The following GABARAPL2 variants were observed in gnomAD, a reference collection of about 807,000 sequenced individuals.
The protein encoded by GABARAPL2 is GABA type A receptor associated protein like 2.
In GABARAPL2, 11 loss-of-function variants were observed where a neutral mutation model predicts 16.9. The observed-to-expected ratio is 0.65, with a 90% CI of 0.41 to 1.08. GABARAPL2 has a LOEUF of 1.08. Among genes scored for constraint, GABARAPL2 ranks in the 50% least tolerant of loss-of-function variants. The pLI is 0.00. For synonymous variants in GABARAPL2, 57 were observed against 50.7 expected, an observed-to-expected ratio of 1.12 and a Z score of -0.53; for missense variants, 134 against 142.5, an observed-to-expected ratio of 0.94 and a Z score of 0.30.
rs1239251334 is a variant in GABARAPL2 at position 75,566,917 on chromosome 16, C to T, written c.90+10C>T. ...TCCCGACAGGGTTCCGGTGAGTGGA[C>T]TCTCCGCCCCCTCACCTCGCTGTCA... On this transcript the variant is annotated intron_variant, in intron 2 of 3. Coordinates refer to ENST00000037243, the MANE Select transcript of GABARAPL2 (RefSeq NM_007285.7). The T allele has an allele frequency of 1.2e-6, 2 of 1,608,562 alleles. No homozygotes were observed. The highest frequency in any genetic ancestry group is 2.2e-5 in the East Asian group (1 of 44,844).
rs1275602233 is a variant in GABARAPL2 at position 75,568,198 on chromosome 16, C to G, written c.252C>G (p.Val84=). The change falls in exon 3 of 4, where the codon GTC becomes GTG. Residue 84 remains valine (V), a synonymous_variant. Transcript: ENST00000037243. ...KAIFLFVDKT[V]PQSSLTMGQL... ...TCTTCCTGTTTGTGGATAAGACAGTCCCACAGTCCAGGTGAGAGGTGTTTA... is the reference window on the plus strand; with the variant it reads ...TCTTCCTGTTTGTGGATAAGACAGTGCCACAGTCCAGGTGAGAGGTGTTTA... 6.2e-7 allele frequency: 1 copy of G among 1,607,640 alleles called. No homozygotes were observed. The highest frequency in any genetic ancestry group is 8.5e-7 in the Non-Finnish European group (1 of 1,174,632).
chr16:75,574,224 G>A (rs868866787), intron 3 of GABARAPL2, among the ~76,000 whole-genome samples: 2 of 152,146 alleles, frequency 1.3e-5, no homozygotes, highest in Middle Eastern at 3.2e-3. Context: ...GTGGGCTGCT[G>A]GTGTTTACGA....
rs1277516336 is a variant in GABARAPL2 at position 75,568,157 on chromosome 16, CCTT to C, written c.214_216del (p.Ser72del). The C allele has an allele frequency of 6.2e-7, 1 of 1,613,144 alleles. No homozygotes were observed. The highest frequency in any genetic ancestry group is 1.3e-5 in the African/African-American group (1 of 74,920). On this transcript the variant is annotated inframe_deletion, in exon 3 of 4. Coordinates refer to ENST00000037243, the MANE Select transcript of GABARAPL2 (RefSeq NM_007285.7). ...GATCATCAGGAAAAGGATCCAGCTT[CCTT>C]CTGAAAAGGCGATCTTCCTGTTTGT...
chr16:75,572,760 C>G (rs1354444042), intron 3 of GABARAPL2: 1 of 152,366 alleles, frequency 6.6e-6, no homozygotes, highest in South Asian at 2.1e-4. Context: ...TGGCTTGAAT[C>G]TACCACTGGC....
In GABARAPL2 at chr16:75,577,842, A is replaced by C. The variant is rs2080959082; in HGVS notation, c.*473A>C. ...ATTTGTTCCTCTTTCTGAAACTATT[A>C]AGGTAAATAATTAACAATAAAAATT... is the stretch of plus-strand genomic sequence containing the variant. On this transcript the variant is annotated 3_prime_UTR_variant, in exon 4 of 4. Coordinates refer to ENST00000037243, the MANE Select transcript of GABARAPL2 (RefSeq NM_007285.7). 6.4e-6 allele frequency: 1 copy of C among 155,716 alleles called. No individual in the cohort carries two copies. Among genetic ancestry groups the C allele is most frequent in the Non-Finnish European group, 1.4e-5 (1 of 69,982 alleles). The allele number at this position is 155,716 out of a possible 1,614,324, so 9.6% of individuals were successfully genotyped here.
rs372851981 is a variant in GABARAPL2, at chr16:75,566,478, G to A, written c.-9G>A. 270 of 1,602,558 alleles carry A rather than the reference G, an allele frequency of 1.7e-4. No individual in the cohort carries two copies. The highest frequency in any genetic ancestry group is 1.5e-3 in the Middle Eastern group (9 of 5,966). On this transcript the variant is annotated 5_prime_UTR_variant, in exon 1 of 4. Transcript: ENST00000037243. ...CGCGAGCCGGTTCCGTCCCCTTCCC[G>A]CCGCCGCCATGAAGTGGATGTTCAA...
At chr16:75,574,172 A>G (rs1377045486) in intron 3 of GABARAPL2, among the ~76,000 whole-genome samples, 1 of 152,208 alleles carries the variant, frequency 6.6e-6, no homozygotes. Context: ...GTAGCGGTCC[A>G]GTGGTTATTG....
intron 3 of GABARAPL2, among the ~76,000 whole-genome samples, chr16:75,574,896 G>T (rs560515650): frequency 3.8e-4 from 57 of 151,950 alleles, no homozygotes; most frequent in African/African-American, 1.4e-3. Context: ...AGCCAGGCGT[G>T]GTGGCATGCA....
In GABARAPL2 at chr16:75,568,051, G is replaced by A. The variant is rs1376343990; in HGVS notation, c.105G>A (p.Lys35=). The change falls in exon 3 of 4, where the codon AAG becomes AAA. Residue 35 remains lysine, a synonymous_variant. Transcript: ENST00000037243. The part of the protein sequence containing the change: ...YPDRVPVIVE[K]VSGSQIVDID... ...TACTTTCCCAGGTGATTGTGGAAAA[G>A]GTCTCAGGCTCTCAGATTGTTGACA... The A allele has an allele frequency of 3.1e-6, 5 of 1,604,928 alleles. No homozygotes were observed. Among genetic ancestry groups the A allele is most frequent in the Non-Finnish European group, 4.3e-6 (5 of 1,172,826 alleles).
At chr16:75,571,614 G>A (rs959429262) in intron 3 of GABARAPL2, among the ~76,000 whole-genome samples, 12 of 151,316 alleles carry the variant, frequency 7.9e-5, no homozygotes, top group African/African-American at 2.7e-4. Flanking sequence ...CCTTTATTTA[G>A]AAATGTGCTT....
chr16:75,576,121 G>A (rs928079572), intron 3 of GABARAPL2: 4 of 152,140 alleles, frequency 2.6e-5, no homozygotes, highest in Non-Finnish European at 4.4e-5. Flanking sequence ...AGGGAGCACC[G>A]TTTTTATTGT....
intron 3 of GABARAPL2, chr16:75,576,268 A>C (rs1430153031): frequency 6.6e-6 from 1 of 152,180 alleles, no homozygotes; most frequent in Admixed American, 6.5e-5. Flanking sequence ...AAAAAACTCA[A>C]AACCTCCCCC....
In GABARAPL2 at chr16:75,566,477, C is replaced by A. The variant is rs1418718926; in HGVS notation, c.-10C>A. ...CCGCGAGCCGGTTCCGTCCCCTTCC[C>A]GCCGCCGCCATGAAGTGGATGTTCA... On this transcript the variant is annotated 5_prime_UTR_variant, in exon 1 of 4. Transcript: ENST00000037243. 3 of 1,602,504 alleles carry A rather than the reference C, an allele frequency of 1.9e-6. No homozygotes were observed. The highest frequency in any genetic ancestry group is 2.6e-6 in the Non-Finnish European group (3 of 1,174,340).
rs573833807 is a variant in GABARAPL2, at chr16:75,574,997, A to G, written c.264-2282A>G. On this transcript the variant is annotated intron_variant, in intron 3 of 3. Coordinates refer to ENST00000037243, the MANE Select transcript of GABARAPL2 (RefSeq NM_007285.7). ...CAGTGAACCGAGATCCTGCTACTGT[A>G]CTCCAGCCCAAGCGACAGAGCAAGA... is the stretch of plus-strand genomic sequence containing the variant. Among the ~76,000 whole-genome samples the G allele has an allele frequency of 2.6e-5, 4 of 152,152 alleles. No individual in the cohort carries two copies. In the South Asian group the frequency reaches 8.3e-4, roughly 32 times the overall value.
At chr16:75,574,401 C>T (rs557395264) in intron 3 of GABARAPL2, among the ~76,000 whole-genome samples, 1 of 152,186 alleles carries the variant, frequency 6.6e-6, no homozygotes, top group African/African-American at 2.4e-5. Context: ...CATCTAAACC[C>T]ATCTGGTAGT....
At chr16:75,573,230 C>T (rs1375923207) in intron 3 of GABARAPL2, among the ~76,000 whole-genome samples, 1 of 152,214 alleles carries the variant, frequency 6.6e-6, no homozygotes, top group African/African-American at 2.4e-5. Context: ...CCCTGCACTT[C>T]CATTTGCATA....
rs538589970 is a variant in GABARAPL2 at position 75,577,619 on chromosome 16, A to G, written c.*250A>G. ...TCTCCAGGAAACTTGTCCTTCTGGAAATCATATTGAATGATATTTCTATAT... is the reference window on the plus strand; with the variant it reads ...TCTCCAGGAAACTTGTCCTTCTGGAGATCATATTGAATGATATTTCTATAT... On this transcript the variant is annotated 3_prime_UTR_variant, in exon 4 of 4. Coordinates refer to ENST00000037243, the MANE Select transcript of GABARAPL2 (RefSeq NM_007285.7). 2.7e-5 allele frequency: 10 copies of G among 371,912 alleles called. No individual in the cohort carries two copies. Among genetic ancestry groups the G allele is most frequent in the African/African-American group, 2.0e-4 (10 of 48,818 alleles). 23.0% of individuals were successfully genotyped at this position (371,912 alleles called of 1,614,324 possible).
In GABARAPL2 at chr16:75,571,315, A is replaced by G. The variant is rs561509381; in HGVS notation, c.263+3106A>G. 2.0e-5 allele frequency among the ~76,000 whole-genome samples: 3 copies of G among 152,264 alleles called. No individual in the cohort carries two copies. The South Asian group carries it at 6.2e-4, about 32-fold the overall frequency. On this transcript the variant is annotated intron_variant, in intron 3 of 3. Coordinates refer to ENST00000037243, the MANE Select transcript of GABARAPL2 (RefSeq NM_007285.7). ...CAGATATTATAACTGACATTGGGAAACCTGTGCTGTTTAAGAATATGGTGT... is the reference window on the plus strand; with the variant it reads ...CAGATATTATAACTGACATTGGGAAGCCTGTGCTGTTTAAGAATATGGTGT...
At chr16:75,568,005 A>T in intron 2 of GABARAPL2, 32 bp from the exon 3 acceptor site, 1 of 1,554,928 alleles carries the variant, frequency 6.4e-7, no homozygotes, top group Non-Finnish European at 8.8e-7. Flanking sequence ...CGCTTTAGGA[A>T]ACACAGTCCT....
Sources: allele counts gnomAD v4.1 joint callset (sites outside exome capture counted in the v4.1 genomes callset), GRCh38; gene constraint gnomAD v4.1.1; transcripts MANE v1.5; gene names NCBI Gene and HGNC (gene_info 2026-07-23, HGNC 2026-07-21).